The following NAV2 variants were observed in gnomAD, a reference collection of about 807,000 sequenced individuals.
The protein encoded by NAV2 is helicase, APC down-regulated 1.
A neutral mutation model predicts 223.2 loss-of-function variants in NAV2; 54 were observed. That is an observed-to-expected ratio of 0.24 (90% CI 0.19 to 0.30). The LOEUF (loss-of-function observed/expected upper bound fraction) is 0.30, where lower values mean the gene tolerates loss of function less well. NAV2 is among the 10% of genes least tolerant of loss of function. The probability of loss-of-function intolerance (pLI) is 1.00; values close to 1 mark genes in which losing one functional copy is unlikely to be tolerated. For missense variants in NAV2, 2,806 were observed against 3,147.5 expected, an observed-to-expected ratio of 0.89 and a Z score of 2.60; for synonymous variants, 1,279 against 1,239.3, an observed-to-expected ratio of 1.03 and a Z score of -0.67.
At chr11:19,971,579 T>C (rs1218283188) in intron 10 of NAV2, among the ~76,000 whole-genome samples, 1 of 152,214 alleles carries the variant, frequency 6.6e-6, no homozygotes, top group Non-Finnish European at 1.5e-5. Flanking sequence ...CTTTTGTGGA[T>C]GTACAACACA....
intron 19 of NAV2, among the ~76,000 whole-genome samples, chr11:20,057,300 A>G (rs1044493486): frequency 6.6e-6 from 1 of 152,170 alleles, no homozygotes; most frequent in Non-Finnish European, 1.5e-5. Context: ...TAAAGAATGT[A>G]TTTACAGAGC....
intron 1 of NAV2, among the ~76,000 whole-genome samples, chr11:19,792,324 T>A (rs919454712): frequency 6.6e-6 from 1 of 152,208 alleles, no homozygotes; most frequent in Non-Finnish European, 1.5e-5. Context: ...GGGATTTTGT[T>A]CTAAGTAGTG....
At chr11:19,479,952 T>C (rs2042230011) in intron 1 of NAV2, among the ~76,000 whole-genome samples, 1 of 152,170 alleles carries the variant, frequency 6.6e-6, no homozygotes, top group South Asian at 2.1e-4. Context: ...CATCTGCAGA[T>C]TGGCAAACTT....
chr11:19,727,814 G>A (rs141834276), intron 1 of NAV2, among the ~76,000 whole-genome samples: 1 of 152,338 alleles, frequency 6.6e-6, no homozygotes, highest in African/African-American at 2.4e-5. Flanking sequence ...TCTCAGTCAG[G>A]CATGGACCAC....
chr11:19,529,940 C>G (rs1053689883), intron 1 of NAV2, among the ~76,000 whole-genome samples: 1 of 152,232 alleles, frequency 6.6e-6, no homozygotes, highest in African/African-American at 2.4e-5. Context: ...TTGACCTCCT[C>G]CTCTAGGGGT....
chr11:20,069,528 C>T (rs866270085), intron 22 of NAV2, among the ~76,000 whole-genome samples: 14 of 152,014 alleles, frequency 9.2e-5, no homozygotes, highest in African/African-American at 3.1e-4. Flanking sequence ...GTGCCTCTTC[C>T]CCCACCCCCA....
chr11:20,083,364 G>A (rs2060212286), intron 26 of NAV2, among the ~76,000 whole-genome samples, 185 bp downstream of exon 26: 1 of 152,194 alleles, frequency 6.6e-6, no homozygotes, highest in South Asian at 2.1e-4. Flanking sequence ...AGAAACTTAG[G>A]TTTTCGTTCT....
chr11:19,794,238 A>G (rs978946215), intron 1 of NAV2, among the ~76,000 whole-genome samples: 15 of 152,324 alleles, frequency 9.8e-5, no homozygotes, highest in East Asian at 1.9e-4. Flanking sequence ...TCGGCGTTGT[A>G]AGGAGGCTTT....
intron 1 of NAV2, among the ~76,000 whole-genome samples, chr11:19,375,558 G>T (rs1433837465): frequency 6.6e-6 from 1 of 152,126 alleles, no homozygotes; most frequent in Non-Finnish European, 1.5e-5. Context: ...TATTAAATTA[G>T]ATATTAGAGA....
At chr11:19,859,764 G>A (rs576279136) in intron 3 of NAV2, among the ~76,000 whole-genome samples, 1 of 149,584 alleles carries the variant, frequency 6.7e-6, no homozygotes. Context: ...CTGGCCGGGT[G>A]GGGGGCTGAC....
At chr11:19,596,605 A>G (rs2046212576) in intron 1 of NAV2, among the ~76,000 whole-genome samples, 1 of 152,172 alleles carries the variant, frequency 6.6e-6, no homozygotes, top group Non-Finnish European at 1.5e-5. Flanking sequence ...CCCGGACACC[A>G]GGGCAGTGGC....
At chr11:19,846,036 A>C (rs552740816) in intron 3 of NAV2, among the ~76,000 whole-genome samples, 4 of 152,300 alleles carry the variant, frequency 2.6e-5, no homozygotes, top group East Asian at 1.9e-4. Flanking sequence ...ACACCTGTGC[A>C]TGGCACTGTG....
intron 1 of NAV2, among the ~76,000 whole-genome samples, chr11:19,364,710 C>A (rs138460988): frequency 6.6e-6 from 1 of 152,186 alleles, no homozygotes; most frequent in African/African-American, 2.4e-5. Context: ...ACAGATGCCA[C>A]GGTAGCAGTA....
intron 11 of NAV2, among the ~76,000 whole-genome samples, chr11:20,006,843 C>A (rs1034197663): frequency 1.3e-5 from 2 of 152,012 alleles, no homozygotes; most frequent in African/African-American, 4.8e-5. Context: ...CAGAGCAAGA[C>A]CCTATCTCAA....
chr11:19,543,518 TC>T (rs1243519828), intron 1 of NAV2, among the ~76,000 whole-genome samples: 1 of 152,192 alleles, frequency 6.6e-6, no homozygotes, highest in Non-Finnish European at 1.5e-5. Flanking sequence ...CCTCTCCTCC[TC>T]ATCTTCCTCT....
intron 1 of NAV2, among the ~76,000 whole-genome samples, chr11:19,471,022 C>A: frequency 6.6e-6 from 1 of 152,116 alleles, no homozygotes. Context: ...TAAAATCAAC[C>A]ACCTCTAAAT....
At chr11:19,646,012 T>C (rs780628844) in intron 1 of NAV2, among the ~76,000 whole-genome samples, 6 of 152,206 alleles carry the variant, frequency 3.9e-5, no homozygotes, top group Non-Finnish European at 7.3e-5. Context: ...TGTGATGTCA[T>C]TAAAGGTAAC....
chr11:19,935,317 G>A (rs967328044), intron 7 of NAV2, among the ~76,000 whole-genome samples: 4 of 152,210 alleles, frequency 2.6e-5, no homozygotes, highest in Admixed American at 2.6e-4. Context: ...TAACTCAAGT[G>A]CATACAGATG....
At chr11:19,780,696 T>A (rs1292542838) in intron 1 of NAV2, among the ~76,000 whole-genome samples, 1 of 152,140 alleles carries the variant, frequency 6.6e-6, no homozygotes, top group Non-Finnish European at 1.5e-5. Context: ...GGGAAAAAAA[T>A]GTATCCGGAT....
Sources: allele counts gnomAD v4.1 joint callset (sites outside exome capture counted in the v4.1 genomes callset), GRCh38; gene constraint gnomAD v4.1.1; transcripts MANE v1.5; gene names NCBI Gene and HGNC (gene_info 2026-07-23, HGNC 2026-07-21).